Variants in DPYD observed in about 807,000 individuals in gnomAD.
The protein encoded by DPYD is dihydropyrimidine dehydrogenase.
In DPYD, 109 loss-of-function variants were observed where a neutral mutation model predicts 116.2. The ratio of observed to expected loss-of-function variants is 0.94; its 90% CI spans 0.80 to 1.10. DPYD has a LOEUF of 1.10. Among genes scored for constraint, DPYD ranks in the 50% least tolerant of loss-of-function variants. The probability of loss-of-function intolerance (pLI) is 0.00; values close to 1 mark genes in which losing one functional copy is unlikely to be tolerated. For missense variants in DPYD, 1,302 were observed against 1,254.5 expected (o/e 1.04, Z -0.57); for synonymous variants, 440 against 432.0 (o/e 1.02, Z -0.23).
At chr1:97,617,657 T>C (rs72732383) in intron 8 of DPYD, among the ~76,000 whole-genome samples, 1 of 151,868 alleles carries the variant, frequency 6.6e-6, no homozygotes. Context: ...TGTGGAGGGG[T>C]TGGGGGTGTC....
chr1:97,710,155 G>C (rs902199848), intron 5 of DPYD, among the ~76,000 whole-genome samples: 1 of 151,768 alleles, frequency 6.6e-6, no homozygotes, highest in Non-Finnish European at 1.5e-5. Flanking sequence ...TAATACATCA[G>C]TTTTTCTTTT....
intron 20 of DPYD, among the ~76,000 whole-genome samples, chr1:97,149,628 A>T (rs1441490799): frequency 6.6e-6 from 1 of 152,218 alleles, no homozygotes; most frequent in Non-Finnish European, 1.5e-5. Flanking sequence ...TATAGTAGAC[A>T]GTATTAGCTA....
At chr1:97,812,052 C>T (rs1290897976) in intron 3 of DPYD, among the ~76,000 whole-genome samples, 1 of 152,090 alleles carries the variant, frequency 6.6e-6, no homozygotes, top group African/African-American at 2.4e-5. Context: ...TCAGATTTTC[C>T]TTTACCCACT....
chr1:97,464,802 AG>A (rs1677223168), intron 13 of DPYD, among the ~76,000 whole-genome samples: 1 of 152,188 alleles, frequency 6.6e-6, no homozygotes. Flanking sequence ...AACCTCTACT[AG>A]GGCAGTGCAG....
chr1:97,471,870 G>A (rs976513202), intron 13 of DPYD, among the ~76,000 whole-genome samples: 10 of 152,178 alleles, frequency 6.6e-5, no homozygotes, highest in East Asian at 1.9e-4. Context: ...GATTACAGGC[G>A]TGAGCCACCA....
intron 13 of DPYD, among the ~76,000 whole-genome samples, chr1:97,511,096 A>G (rs1024397809): frequency 6.6e-6 from 1 of 151,938 alleles, no homozygotes; most frequent in Non-Finnish European, 1.5e-5. Context: ...CACCCTGTGA[A>G]GTAGGAGAAC....
At chr1:97,902,215 C>T (rs1054851968) in intron 1 of DPYD, among the ~76,000 whole-genome samples, 1 of 151,754 alleles carries the variant, frequency 6.6e-6, no homozygotes, top group Non-Finnish European at 1.5e-5. Flanking sequence ...AGTAAAAGAA[C>T]AATCCATATT....
intron 8 of DPYD, among the ~76,000 whole-genome samples, chr1:97,654,296 T>C (rs949481594): frequency 2.6e-5 from 4 of 152,124 alleles, no homozygotes; most frequent in Admixed American, 2.0e-4. Flanking sequence ...TTATTAGAAA[T>C]CAATATCTGA....
intron 21 of DPYD, among the ~76,000 whole-genome samples, chr1:97,084,363 A>C (rs1039113128): frequency 4.0e-5 from 6 of 151,412 alleles, no homozygotes; most frequent in Non-Finnish European, 7.4e-5. Context: ...GAATGCCACT[A>C]CTTCATGAAG....
chr1:97,658,773 C>A (rs1309842726), intron 8 of DPYD, among the ~76,000 whole-genome samples: 1 of 152,016 alleles, frequency 6.6e-6, no homozygotes, highest in Non-Finnish European at 1.5e-5. Flanking sequence ...GAATAAATGC[C>A]CAACTTTTCT....
chr1:97,421,112 T>C (rs1487391329), intron 14 of DPYD, among the ~76,000 whole-genome samples: 1 of 152,188 alleles, frequency 6.6e-6, no homozygotes, highest in African/African-American at 2.4e-5. Flanking sequence ...TTGCCATGTG[T>C]ACTTGGTAAA....
intron 8 of DPYD, among the ~76,000 whole-genome samples, chr1:97,612,338 G>T (rs935443951): frequency 6.6e-6 from 1 of 151,962 alleles, no homozygotes; most frequent in African/African-American, 2.4e-5. Flanking sequence ...CATGCCTAAT[G>T]CTGTGGCTTT....
intron 14 of DPYD, among the ~76,000 whole-genome samples, chr1:97,425,507 A>G (rs1674814773): frequency 6.6e-6 from 1 of 152,108 alleles, no homozygotes. Flanking sequence ...TTATGACTAT[A>G]ACTTTTCAAA....
At chr1:97,618,956 GCAGTAA>G (rs1486329376) in intron 8 of DPYD, among the ~76,000 whole-genome samples, 1 of 152,136 alleles carries the variant, frequency 6.6e-6, no homozygotes, top group Non-Finnish European at 1.5e-5. Flanking sequence ...TCTCATTTCT[GCAGTAA>G]CAGTAAGTAA....
At chr1:97,383,057 C>T (rs1269459059) in intron 14 of DPYD, among the ~76,000 whole-genome samples, 2 of 152,156 alleles carry the variant, frequency 1.3e-5, no homozygotes, top group African/African-American at 4.8e-5. Flanking sequence ...ATTACCAATG[C>T]CTCCTCTGAA....
intron 20 of DPYD, among the ~76,000 whole-genome samples, chr1:97,178,942 C>A (rs1239058546): frequency 6.6e-6 from 1 of 152,136 alleles, no homozygotes; most frequent in Admixed American, 6.6e-5. Context: ...CAGTGTTCAT[C>A]GTGGCAGAGA....
chr1:97,226,136 A>G (rs1163051959), intron 19 of DPYD, among the ~76,000 whole-genome samples: 1 of 152,098 alleles, frequency 6.6e-6, no homozygotes, highest in Non-Finnish European at 1.5e-5. Flanking sequence ...AATCACAAAA[A>G]CCATACGATA....
rs562004488 is a variant in DPYD at position 97,192,612 on chromosome 1, C to T, written c.2622+457G>A. Among the ~76,000 whole-genome samples, 6 of 152,166 alleles carry T rather than the reference C, an allele frequency of 3.9e-5. No homozygotes were observed. The East Asian group carries it at 7.7e-4, about 20-fold the overall frequency. On this transcript the variant is annotated intron_variant, in intron 20 of 22. Coordinates refer to ENST00000370192, the MANE Select transcript of DPYD (RefSeq NM_000110.4). ...AGCTGGGACCATAACCGTTTGAGAC[C>T]GGGTTTAACCACACAGCAGAAGCAG...
chr1:97,913,937 C>T (rs1674091895), intron 1 of DPYD, among the ~76,000 whole-genome samples: 2 of 151,828 alleles, frequency 1.3e-5, no homozygotes, highest in Non-Finnish European at 2.9e-5. Flanking sequence ...TGTGTGGGTC[C>T]CCTGAGAAGT....
Sources: gnomAD v4.1 joint callset for allele counts (sites outside exome capture counted in the v4.1 genomes callset) on GRCh38, gnomAD v4.1.1 for gene constraint, MANE v1.5 for transcripts, NCBI Gene and HGNC (gene_info 2026-07-23, HGNC 2026-07-21) for gene names.